Variants in AKAP6 observed in about 807,000 individuals in gnomAD.
The protein encoded by AKAP6 is A-kinase anchoring protein 6.
A neutral mutation model predicts 188.5 loss-of-function variants in AKAP6; 58 were observed. The ratio of observed to expected loss-of-function variants is 0.31; its 90% CI spans 0.25 to 0.38. The LOEUF is 0.38. Ranked by LOEUF, AKAP6 falls within the 10% of genes least tolerant of loss-of-function variation. AKAP6 has a pLI of 1.00. For synonymous variants in AKAP6, 989 were observed against 998.6 expected, an observed-to-expected ratio of 0.99 and a Z score of 0.18; for missense variants, 2,710 against 2,740.0, an observed-to-expected ratio of 0.99 and a Z score of 0.24.
chr14:32,625,067 TAA>T (rs951472376), intron 7 of AKAP6, among the ~76,000 whole-genome samples: 25 of 152,260 alleles, frequency 1.6e-4, no homozygotes, highest in African/African-American at 5.8e-4. Context: ...CAAATTATTA[TAA>T]GTTTGTTTTC....
At chr14:32,607,456 A>C (rs1206614420) in intron 7 of AKAP6, among the ~76,000 whole-genome samples, 3 of 152,204 alleles carry the variant, frequency 2.0e-5, no homozygotes, top group Non-Finnish European at 2.9e-5. Context: ...AGTAAGACTA[A>C]ATTGTGCCTA....
At chr14:32,667,183 G>T (rs1888980212) in intron 7 of AKAP6, among the ~76,000 whole-genome samples, 1 of 152,032 alleles carries the variant, frequency 6.6e-6, no homozygotes, top group Non-Finnish European at 1.5e-5. Flanking sequence ...AGCCTAAAAT[G>T]GAGTGTTTAA....
chr14:32,733,570 A>G (rs1243828018), intron 10 of AKAP6: 1 of 152,186 alleles, frequency 6.6e-6, no homozygotes, highest in Non-Finnish European at 1.5e-5. Context: ...ATTTGGAGGA[A>G]TGCCAGTATT....
intron 7 of AKAP6, among the ~76,000 whole-genome samples, chr14:32,651,444 A>G (rs1318143837): frequency 2.0e-5 from 3 of 152,200 alleles, no homozygotes; most frequent in African/African-American, 7.2e-5. Context: ...CTATAATAAT[A>G]TACCTGAGAC....
intron 2 of AKAP6, among the ~76,000 whole-genome samples, chr14:32,499,605 T>C (rs1460992378): frequency 1.3e-5 from 2 of 151,940 alleles, no homozygotes; most frequent in Non-Finnish European, 2.9e-5. Flanking sequence ...AGAATAGAAC[T>C]TGGATAACAT....
At chr14:32,510,530 C>T (rs1288734909) in intron 2 of AKAP6, among the ~76,000 whole-genome samples, 3 of 137,392 alleles carry the variant, frequency 2.2e-5, no homozygotes, top group Non-Finnish European at 3.1e-5. Flanking sequence ...AATCTTATTC[C>T]CTGGAGATAT....
At chr14:32,744,863 A>T (rs1040652770) in intron 11 of AKAP6, among the ~76,000 whole-genome samples, 2 of 151,840 alleles carry the variant, frequency 1.3e-5, no homozygotes, top group Non-Finnish European at 2.9e-5. Flanking sequence ...CAAGCTCACT[A>T]ATTCTTCTGC....
intron 2 of AKAP6, among the ~76,000 whole-genome samples, chr14:32,465,940 A>G (rs1208264402): frequency 6.6e-6 from 1 of 152,256 alleles, no homozygotes; most frequent in Non-Finnish European, 1.5e-5. Context: ...ACTTCTCAAA[A>G]GAAGACATTT....
At chr14:32,593,147 T>C (rs1396269616) in intron 5 of AKAP6, among the ~76,000 whole-genome samples, 3 of 152,034 alleles carry the variant, frequency 2.0e-5, no homozygotes, top group Non-Finnish European at 2.9e-5. Flanking sequence ...TGCACCTTCA[T>C]AGACATGCAA....
chr14:32,646,688 T>C (rs562575604), intron 7 of AKAP6, among the ~76,000 whole-genome samples: 2 of 152,290 alleles, frequency 1.3e-5, no homozygotes, highest in African/African-American at 4.8e-5. Context: ...CTTCAATGAA[T>C]GTCATTCGGG....
intron 12 of AKAP6, among the ~76,000 whole-genome samples, chr14:32,814,596 G>A (rs2034330804): frequency 6.6e-6 from 1 of 152,142 alleles, no homozygotes; most frequent in East Asian, 1.9e-4. Context: ...GAAAGTCAGG[G>A]ATTTTCCACG....
At chr14:32,373,323 AGG>A (rs2138526075) in intron 1 of AKAP6, 2 of 152,294 alleles carry the variant, frequency 1.3e-5, no homozygotes, top group African/African-American at 4.8e-5. Flanking sequence ...CCAGTGTTCC[AGG>A]AGAGCCGATT....
At position 32,835,176 on chromosome 14, in the gene AKAP6, G is replaced by A. The variant is rs1311690715; in HGVS notation, c.*5371G>A. 1.3e-5 allele frequency: 2 copies of A among 152,044 alleles called. No homozygotes were observed. Among genetic ancestry groups the A allele is most frequent in the African/African-American group, 2.4e-5 (1 of 41,386 alleles). 9.4% of individuals were successfully genotyped at this position (152,044 alleles called of 1,614,324 possible). ...ATTACAGAAAGTTTTCTGATCCCTG[G>A]TCTATGATATTCTAAATTCCGACAC... is the stretch of plus-strand genomic sequence containing the variant. On this transcript the variant is annotated 3_prime_UTR_variant, in exon 14 of 14. Transcript: ENST00000280979.
chr14:32,611,835 G>T (rs1189649397), intron 7 of AKAP6, among the ~76,000 whole-genome samples: 2 of 152,150 alleles, frequency 1.3e-5, no homozygotes, highest in African/African-American at 4.8e-5. Flanking sequence ...TAGTTTCAGG[G>T]ACAAGAAAGA....
intron 2 of AKAP6, among the ~76,000 whole-genome samples, chr14:32,494,917 TTGTAAGCTTTACA>T (rs1880230191): frequency 6.6e-6 from 1 of 152,166 alleles, no homozygotes; most frequent in African/African-American, 2.4e-5. Flanking sequence ...TGCACACAGA[TTGTAAGCTTTACA>T]TGTGAGCTTT....
At chr14:32,778,620 C>T (rs2033141960) in intron 12 of AKAP6, among the ~76,000 whole-genome samples, 1 of 152,010 alleles carries the variant, frequency 6.6e-6, no homozygotes, top group Non-Finnish European at 1.5e-5. Context: ...AATCATGGCT[C>T]ACTGTAGCCT....
chr14:32,369,912 T>G (rs1326223643), intron 1 of AKAP6, among the ~76,000 whole-genome samples: 1 of 152,132 alleles, frequency 6.6e-6, no homozygotes, highest in African/African-American at 2.4e-5. Flanking sequence ...AAGCCTGTAA[T>G]CCCAGCTACT....
At chr14:32,563,872 C>G (rs1884071396) in intron 4 of AKAP6, among the ~76,000 whole-genome samples, 1 of 152,134 alleles carries the variant, frequency 6.6e-6, no homozygotes, top group South Asian at 2.1e-4. Context: ...CAGACAAATA[C>G]AAACAACATT....
In AKAP6 at chr14:32,444,891, G is replaced by C. The variant is rs181879236; in HGVS notation, c.324+11074G>C. Among the ~76,000 whole-genome samples the C allele has an allele frequency of 2.0e-5, 3 of 152,328 alleles. No individual in the cohort carries two copies. In the East Asian group the frequency reaches 5.8e-4, roughly 29 times the overall value. On this transcript the variant is annotated intron_variant, in intron 2 of 13. Transcript: ENST00000280979. ...ATGGAATCTATTTCTGTAATAGTGA[G>C]AGTCAGGCATGATGAGGAGAGAGAT...
Sources: allele counts gnomAD v4.1 joint callset (sites outside exome capture counted in the v4.1 genomes callset), GRCh38; gene constraint gnomAD v4.1.1; transcripts MANE v1.5; gene names NCBI Gene and HGNC (gene_info 2026-07-23, HGNC 2026-07-21).